The following DCLK1 variants were observed in gnomAD, a reference collection of about 807,000 sequenced individuals.
The protein encoded by DCLK1 is serine/threonine-protein kinase DCLK1.
A neutral mutation model predicts 86.2 loss-of-function variants in DCLK1; 16 were observed. The ratio of observed to expected loss-of-function variants is 0.19; its 90% CI spans 0.13 to 0.28. DCLK1 has a LOEUF of 0.28. Ranked by LOEUF, DCLK1 falls within the 10% of genes least tolerant of loss-of-function variation. DCLK1 has a pLI of 1.00. For synonymous variants in DCLK1, 369 were observed against 370.5 expected (o/e 1.00, Z 0.05); for missense variants, 590 against 940.2 (o/e 0.63, Z 4.87).
intron 4 of DCLK1, among the ~76,000 whole-genome samples, chr13:35,894,308 G>A (rs1336439194): frequency 4.6e-5 from 7 of 152,256 alleles, no homozygotes; most frequent in East Asian, 1.9e-4. Flanking sequence ...GGCTTAGCAC[G>A]GCAAGGAATT....
chr13:35,979,147 T>C (rs189605000), intron 3 of DCLK1, among the ~76,000 whole-genome samples: 2 of 152,306 alleles, frequency 1.3e-5, no homozygotes, highest in Admixed American at 1.3e-4. Flanking sequence ...ACAGAAGCTA[T>C]GTTTTTGGTC....
chr13:35,974,753 C>T (rs1250108164), intron 3 of DCLK1, among the ~76,000 whole-genome samples: 1 of 152,122 alleles, frequency 6.6e-6, no homozygotes, highest in African/African-American at 2.4e-5. Context: ...CATAAATTAC[C>T]CAGTCTCAGG....
chr13:36,107,224 C>A (rs8000568), intron 3 of DCLK1, among the ~76,000 whole-genome samples: 21,014 of 151,966 alleles, frequency 0.14, 2,490 homozygotes, highest in African/African-American at 0.3. Context: ...TCATGGCTTA[C>A]CATCGAAATC....
At chr13:35,936,962 C>CTTTTATTTTTTTTTTTTTTTTTTT (rs1876787159) in intron 4 of DCLK1, among the ~76,000 whole-genome samples, 1 of 65,712 alleles carries the variant, frequency 1.5e-5, no homozygotes, top group Non-Finnish European at 3.0e-5. Context: ...GAAAAGTTAG[C>CTTTTATTTTTTTTTTTTTTTTTTT]TTTTTTTTTT....
intron 4 of DCLK1, among the ~76,000 whole-genome samples, chr13:35,946,059 C>A (rs1877366006): frequency 6.6e-6 from 1 of 152,166 alleles, no homozygotes; most frequent in Non-Finnish European, 1.5e-5. Flanking sequence ...ATCGCCCAGA[C>A]CAAGTACAGT....
chr13:35,899,360 TGTGTGTGTGAGAGAGA>T (rs1425742053), intron 4 of DCLK1, among the ~76,000 whole-genome samples: 1,554 of 95,104 alleles, frequency 0.016, 27 homozygotes, highest in African/African-American at 0.051. Flanking sequence ...TGTGTGTGTG[TGTGTGTGTGAGAGAGA>T]GAGAGAGAGA....
chr13:35,792,944 C>A (rs1411123546), intron 16 of DCLK1, among the ~76,000 whole-genome samples: 1 of 152,120 alleles, frequency 6.6e-6, no homozygotes. Context: ...TAATTTAGGT[C>A]TAGTATCAAG....
chr13:35,937,651 C>G (rs1272769645), intron 4 of DCLK1, among the ~76,000 whole-genome samples: 1 of 152,076 alleles, frequency 6.6e-6, no homozygotes, highest in African/African-American at 2.4e-5. Flanking sequence ...CTTGGGATTG[C>G]TGAGGTGCCA....
chr13:35,981,808 A>G (rs1454886442), intron 3 of DCLK1, among the ~76,000 whole-genome samples: 1 of 152,268 alleles, frequency 6.6e-6, no homozygotes, highest in African/African-American at 2.4e-5. Flanking sequence ...GTATAAACCC[A>G]GAAATGGAAT....
At chr13:35,791,056 G>A (rs1566533671) in intron 16 of DCLK1, among the ~76,000 whole-genome samples, 2 of 152,120 alleles carry the variant, frequency 1.3e-5, no homozygotes, top group South Asian at 4.1e-4. Context: ...ATTTATGAGG[G>A]AAAAGCATTC....
intron 3 of DCLK1, among the ~76,000 whole-genome samples, chr13:36,090,583 G>T (rs182512994): frequency 1.3e-5 from 2 of 152,150 alleles, no homozygotes; most frequent in Non-Finnish European, 2.9e-5. Flanking sequence ...AGCACAGAAC[G>T]TAGGTAGGAG....
At chr13:35,885,546 C>T (rs964690308) in intron 4 of DCLK1, among the ~76,000 whole-genome samples, 32 of 152,086 alleles carry the variant, frequency 2.1e-4, no homozygotes, top group Non-Finnish European at 4.1e-4. Context: ...TACTCCTGAG[C>T]AAAGTCTCAC....
intron 3 of DCLK1, among the ~76,000 whole-genome samples, chr13:36,073,391 A>G (rs1884051358): frequency 6.6e-6 from 1 of 152,196 alleles, no homozygotes. Flanking sequence ...TCCCATAACA[A>G]CCATAAGGTA....
chr13:36,048,782 T>G (rs1235120063), intron 3 of DCLK1, among the ~76,000 whole-genome samples: 1 of 152,170 alleles, frequency 6.6e-6, no homozygotes, highest in Non-Finnish European at 1.5e-5. Context: ...AGATCCTGCA[T>G]AGTGTGCAAG....
chr13:35,885,626 G>C (rs1312799997), intron 4 of DCLK1, among the ~76,000 whole-genome samples: 1 of 152,168 alleles, frequency 6.6e-6, no homozygotes, highest in Non-Finnish European at 1.5e-5. Context: ...AGGAAACTTA[G>C]CTGTTTCAGG....
At chr13:35,783,730 G>A (rs2086571327) in intron 16 of DCLK1, among the ~76,000 whole-genome samples, 1 of 151,944 alleles carries the variant, frequency 6.6e-6, no homozygotes, top group Non-Finnish European at 1.5e-5. Flanking sequence ...GATTACAGGT[G>A]CCCACCACCA....
intron 6 of DCLK1, 49 bp downstream of exon 6, chr13:35,854,450 C>G: frequency 6.8e-7 from 1 of 1,468,470 alleles, no homozygotes; most frequent in Non-Finnish European, 9.2e-7. Context: ...TACCTGTCTG[C>G]ACCAAGGCTG....
chr13:35,835,366 G>C (rs1283952987), intron 8 of DCLK1, among the ~76,000 whole-genome samples: 3 of 152,078 alleles, frequency 2.0e-5, no homozygotes, highest in Middle Eastern at 6.8e-3. Flanking sequence ...CTCCCCTAAA[G>C]CAAGCAGCTG....
At chr13:35,866,273 T>A (rs1330084863) in intron 5 of DCLK1, among the ~76,000 whole-genome samples, 1 of 152,184 alleles carries the variant, frequency 6.6e-6, no homozygotes, top group African/African-American at 2.4e-5. Context: ...TTCAGGTAAA[T>A]ATAAGTTAAC....
Sources: allele counts gnomAD v4.1 joint callset (sites outside exome capture counted in the v4.1 genomes callset), GRCh38; gene constraint gnomAD v4.1.1; transcripts MANE v1.5; gene names NCBI Gene and HGNC (gene_info 2026-07-23, HGNC 2026-07-21).